Variants in CHIC2 observed in about 807,000 individuals in gnomAD.
CHIC2 encodes cysteine-rich hydrophobic domain-containing protein 2.
In CHIC2, 14 loss-of-function variants were observed where a neutral mutation model predicts 25.9. That is an observed-to-expected ratio of 0.54 (90% CI 0.36 to 0.85). The LOEUF is 0.85. CHIC2 is among the 40% of genes least tolerant of loss of function. The pLI is 0.01. For synonymous variants in CHIC2, 70 were observed against 72.0 expected (o/e 0.97, Z 0.14); for missense variants, 146 against 202.0 (o/e 0.72, Z 1.68).
chr4:54,018,265 G>C (rs1715800199), intron 3 of CHIC2, among the ~76,000 whole-genome samples: 1 of 151,978 alleles, frequency 6.6e-6, no homozygotes, highest in South Asian at 2.1e-4. Context: ...CATACACCTA[G>C]ACAAACTCAA....
chr4:54,049,213 T>G, intron 2 of CHIC2, 38 bp downstream of exon 2: 4 of 1,571,984 alleles, frequency 2.5e-6, no homozygotes, highest in Non-Finnish European at 3.5e-6. Context: ...AAACTTTCAT[T>G]TTGAGGCATA....
intron 3 of CHIC2, among the ~76,000 whole-genome samples, chr4:54,042,321 A>C (rs1429389673): frequency 6.6e-6 from 1 of 152,222 alleles, no homozygotes; most frequent in Non-Finnish European, 1.5e-5. Flanking sequence ...GTACTTTCAG[A>C]AACTACAGAT....
At chr4:54,043,308 C>T (rs886814658) in intron 3 of CHIC2, among the ~76,000 whole-genome samples, 2 of 151,494 alleles carry the variant, frequency 1.3e-5, no homozygotes, top group Non-Finnish European at 2.9e-5. Context: ...GCAGTCCCAG[C>T]TACTCAGGAG....
chr4:54,019,323 T>C (rs1715830715), intron 3 of CHIC2, among the ~76,000 whole-genome samples: 1 of 152,158 alleles, frequency 6.6e-6, no homozygotes, highest in Non-Finnish European at 1.5e-5. Context: ...CCTTTTAAAA[T>C]TTTAATATGA....
At chr4:54,027,819 A>C (rs1716107175) in intron 3 of CHIC2, among the ~76,000 whole-genome samples, 1 of 152,214 alleles carries the variant, frequency 6.6e-6, no homozygotes, top group African/African-American at 2.4e-5. Context: ...CTAGAAGAAA[A>C]ATAACTTTAC....
the CHIC2 span, among the ~76,000 whole-genome samples, chr4:54,080,284 C>T: frequency 6.6e-6 from 1 of 150,518 alleles, no homozygotes; most frequent in Non-Finnish European, 1.5e-5. Flanking sequence ...TGAAATAAGA[C>T]AGACAAAGAA....
chr4:54,069,502 C>T (rs1717578510), upstream of CHIC2, among the ~76,000 whole-genome samples: 1 of 152,246 alleles, frequency 6.6e-6, no homozygotes, highest in Non-Finnish European at 1.5e-5. Context: ...ACGTGTTCAG[C>T]TGTCTGGCAG....
At chr4:54,045,305 C>T (rs1040833741) in intron 3 of CHIC2, among the ~76,000 whole-genome samples, 48 of 152,104 alleles carry the variant, frequency 3.2e-4, no homozygotes, top group Non-Finnish European at 5.4e-4. Flanking sequence ...TTTATGAGGC[C>T]AGCATCATCC....
At chr4:54,072,463 G>T in the CHIC2 span, among the ~76,000 whole-genome samples, 1 of 152,072 alleles carries the variant, frequency 6.6e-6, no homozygotes, top group Non-Finnish European at 1.5e-5. Context: ...AAGTCATCTG[G>T]CCCACACTGG....
intron 3 of CHIC2, among the ~76,000 whole-genome samples, chr4:54,040,922 G>C (rs990641286): frequency 3.0e-4 from 46 of 150,878 alleles, no homozygotes; most frequent in African/African-American, 1.0e-3. Context: ...TAAAAACAAG[G>C]TCTTGGGAAT....
Position 54,012,050 on chromosome 4 carries a change from C to CA in CHIC2, c.447+1786dup, listed in dbSNP as rs547146563. On this transcript the variant is annotated intron_variant, in intron 5 of 5. Transcript: ENST00000263921. ...TTTTAAGCTACATTATTCTCACTTT[C>CA]AACTATCACAAATATATATATATAC... is the stretch of plus-strand genomic sequence containing the variant. Among the ~76,000 whole-genome samples the CA allele has an allele frequency of 2.9e-3, 448 of 151,880 alleles. 3 individuals are homozygous for CA. Among genetic ancestry groups the CA allele is most frequent in the African/African-American group, 0.01 (423 of 41,420 alleles).
At chr4:54,031,274 C>T (rs968124072) in intron 3 of CHIC2, among the ~76,000 whole-genome samples, 3 of 151,824 alleles carry the variant, frequency 2.0e-5, no homozygotes, top group African/African-American at 7.3e-5. Flanking sequence ...TACTGTATCA[C>T]ACTGCTCCTA....
chr4:54,017,121 G>C (rs1489307816), intron 3 of CHIC2, among the ~76,000 whole-genome samples: 1 of 151,828 alleles, frequency 6.6e-6, no homozygotes, highest in Non-Finnish European at 1.5e-5. Flanking sequence ...AAGAGTTTAT[G>C]TCCACAAGGC....
At chr4:54,049,622 A>G (rs576412455) in intron 1 of CHIC2, among the ~76,000 whole-genome samples, 1 of 152,210 alleles carries the variant, frequency 6.6e-6, no homozygotes, top group Non-Finnish European at 1.5e-5. Flanking sequence ...ACTACAAAGC[A>G]TATTATTTTA....
the CHIC2 span, among the ~76,000 whole-genome samples, chr4:54,071,878 G>A: frequency 6.6e-6 from 1 of 152,212 alleles, no homozygotes; most frequent in African/African-American, 2.4e-5. Flanking sequence ...CATACCATGT[G>A]TACACATTTG....
At position 54,048,699 on chromosome 4, in the gene CHIC2, G is replaced by A. The variant is rs555205709; in HGVS notation, c.330+256C>T. On this transcript the variant is annotated intron_variant, in intron 3 of 5. Transcript: ENST00000263921. ...TCCTTGATCACTATACCACACCACT[G>A]TCAATGTACAGATACAGACAATGCC... is the stretch of plus-strand genomic sequence containing the variant. 7 of 262,466 alleles carry A rather than the reference G, an allele frequency of 2.7e-5. No individual in the cohort carries two copies. The South Asian group carries it at 4.7e-4, about 17-fold the overall frequency. 16.3% of individuals were successfully genotyped at this position (262,466 alleles called of 1,614,324 possible). A position where few individuals can be genotyped will look rare whatever the true frequency, so the allele number is the denominator to read the frequency against.
intron 3 of CHIC2, among the ~76,000 whole-genome samples, chr4:54,024,469 T>C (rs963727540): frequency 6.6e-5 from 10 of 152,198 alleles, no homozygotes; most frequent in African/African-American, 2.4e-4. Context: ...CAGCTATCTC[T>C]ATCACACTAT....
chr4:54,080,023 A>G, the CHIC2 span, among the ~76,000 whole-genome samples: 1 of 151,718 alleles, frequency 6.6e-6, no homozygotes, highest in East Asian at 1.9e-4. Context: ...TGAAATCGGT[A>G]TCTCAAAGAG....
chr4:54,064,608 A>G (rs964887416), upstream of CHIC2: 2 of 1,170,988 alleles, frequency 1.7e-6, no homozygotes, highest in South Asian at 2.5e-5. This position sits in a 1 kb window ranked among gnomAD's most constrained non-coding sequence, Gnocchi z 4.2. Context: ...AGGAAACCAC[A>G]GCAACAGCCC....
Sources: gnomAD v4.1 joint callset for allele counts (sites outside exome capture counted in the v4.1 genomes callset) on GRCh38, gnomAD v4.1.1 for gene constraint, Gnocchi (gnomAD v3.1) non-coding constraint, MANE v1.5 for transcripts, NCBI Gene and HGNC (gene_info 2026-07-23, HGNC 2026-07-21) for gene names.